Variants in CHD9 observed in about 807,000 individuals in gnomAD.
CHD9 encodes the protein chromodomain helicase DNA binding protein 9, also known as ATP-dependent chromatin remodeler CHD9.
CHD9 carries 77 observed loss-of-function variants against 316.1 expected under a neutral mutation model. The ratio of observed to expected loss-of-function variants is 0.24; its 90% CI spans 0.20 to 0.29. The LOEUF (loss-of-function observed/expected upper bound fraction) is 0.29. Ranked by LOEUF, CHD9 falls within the 10% of genes least tolerant of loss-of-function variation. The pLI is 1.00. For synonymous variants in CHD9, 1,129 were observed against 1,158.3 expected (o/e 0.97, Z 0.51); for missense variants, 2,763 against 3,438.1 (o/e 0.80, Z 4.91).
intron 1 of CHD9, among the ~76,000 whole-genome samples, chr16:53,128,580 G>A (rs2152672874): frequency 6.6e-6 from 1 of 152,296 alleles, no homozygotes; most frequent in East Asian, 1.9e-4. Context: ...GGAAATGGTA[G>A]GCCAGTGTTG....
chr16:53,275,424 A>G (rs1266100277), intron 24 of CHD9, among the ~76,000 whole-genome samples: 2 of 152,206 alleles, frequency 1.3e-5, no homozygotes, highest in Admixed American at 6.5e-5. Context: ...AGCACTAGGA[A>G]TACAAAGACA....
In CHD9 at chr16:53,304,068, T is replaced by G. The variant is rs2055695453; in HGVS notation, c.6062T>G (p.Val2021Gly). 2 of 1,613,916 alleles carry G rather than the reference T, an allele frequency of 1.2e-6. No homozygotes were observed. The highest frequency in any genetic ancestry group is 1.7e-5 in the Admixed American group (1 of 60,012). Reference sequence around the variant, plus strand: ...ACCCCACTTCTACAGCAATATCAAGTAGCACTTTCTGCTTCTCCTCTTACC... The same window carrying G: ...ACCCCACTTCTACAGCAATATCAAGGAGCACTTTCTGCTTCTCCTCTTACC... ...TSTPLLQQYQ[V>G]ALSASPLTSL... is the part of the protein sequence containing the mutation. Residue 2021 changes from valine (V) to glycine (G), a missense_variant, in exon 31 of 39, where the codon GTA becomes GGA. By Grantham distance (109) the Val-to-Gly change is moderately radical (BLOSUM62 -3). Transcript: ENST00000447540.
chr16:53,291,790 C>G (rs754709771), intron 28 of CHD9, 23 bp downstream of exon 28: 66 of 1,402,002 alleles, frequency 4.7e-5, no homozygotes, highest in Non-Finnish European at 6.3e-5. Context: ...TACTTCTGTA[C>G]TTAGTATTAT....
intron 2 of CHD9, among the ~76,000 whole-genome samples, chr16:53,178,845 C>T (rs898825543): frequency 6.6e-6 from 1 of 152,092 alleles, no homozygotes; most frequent in Non-Finnish European, 1.5e-5. Flanking sequence ...ACTTGGGATT[C>T]TGGACTTTAA....
intron 30 of CHD9, among the ~76,000 whole-genome samples, chr16:53,300,935 T>C (rs2055337616): frequency 6.6e-6 from 1 of 152,194 alleles, no homozygotes; most frequent in African/African-American, 2.4e-5. Context: ...TAGCCAGGCA[T>C]GGTGGCAGGC....
intron 1 of CHD9, among the ~76,000 whole-genome samples, chr16:53,103,081 G>A (rs934568452): frequency 6.7e-6 from 1 of 150,060 alleles, no homozygotes; most frequent in Non-Finnish European, 1.5e-5. Context: ...TCCTGACCTC[G>A]TGATCCGCCC....
At chr16:53,283,823 A>T (rs1345620469) in intron 24 of CHD9, among the ~76,000 whole-genome samples, 1 of 152,138 alleles carries the variant, frequency 6.6e-6, no homozygotes, top group Non-Finnish European at 1.5e-5. Context: ...TAAGGTGTTC[A>T]TTTCGAGTGC....
intron 24 of CHD9, among the ~76,000 whole-genome samples, chr16:53,284,968 C>T (rs1040706735): frequency 2.6e-5 from 4 of 151,950 alleles, no homozygotes; most frequent in Admixed American, 6.6e-5. Flanking sequence ...GGTTTTGCCA[C>T]GTTGCCCAGG....
chr16:53,141,540 C>T (rs1161469274), intron 1 of CHD9, among the ~76,000 whole-genome samples: 1 of 152,080 alleles, frequency 6.6e-6, no homozygotes, highest in African/African-American at 2.4e-5. Flanking sequence ...TATGTTGTTG[C>T]TTAATGCTTT....
intron 1 of CHD9, among the ~76,000 whole-genome samples, chr16:53,077,131 G>C (rs2034601355): frequency 6.6e-6 from 1 of 151,852 alleles, no homozygotes; most frequent in South Asian, 2.1e-4. Context: ...GGGATTACAG[G>C]TGTGTGCCAC....
intron 33 of CHD9, 90 bp downstream of exon 33, chr16:53,308,043 C>G: frequency 8.9e-7 from 1 of 1,125,500 alleles, no homozygotes; most frequent in Non-Finnish European, 1.2e-6. Flanking sequence ...CTTACTCTTC[C>G]TTCCTTCACA....
At chr16:53,293,270 A>G (rs1341501281) in intron 29 of CHD9, among the ~76,000 whole-genome samples, 1 of 152,204 alleles carries the variant, frequency 6.6e-6, no homozygotes, top group African/African-American at 2.4e-5. Context: ...TTGACTAACC[A>G]TACTGTAATC....
intron 1 of CHD9, among the ~76,000 whole-genome samples, chr16:53,078,285 G>A (rs1216517697): frequency 1.3e-5 from 2 of 152,138 alleles, no homozygotes; most frequent in South Asian, 2.1e-4. Flanking sequence ...AGGTGATTAG[G>A]TCATAAGAGT....
Position 53,209,538 on chromosome 16 carries a change from C to T in CHD9, c.1509C>T (p.Thr503=), listed in dbSNP as rs2152870767. The part of the protein sequence containing the change: ...GSGTYTKLQN[T]QVRVMSEKKQ... ...GGACATATACTAAGTTGCAGAATACCCAGGTGAGGGTCATGTCTGAGAAGA... is the reference window on the plus strand; with the variant it reads ...GGACATATACTAAGTTGCAGAATACTCAGGTGAGGGTCATGTCTGAGAAGA... The change falls in exon 3 of 39, where the codon ACC becomes ACT. Residue 503 remains threonine (T), a synonymous_variant. Transcript: ENST00000447540. 3 of 1,613,572 alleles carry T rather than the reference C, an allele frequency of 1.9e-6. No homozygotes were observed. The highest frequency in any genetic ancestry group is 2.2e-5 in the East Asian group (1 of 44,842).
intron 22 of CHD9, among the ~76,000 whole-genome samples, chr16:53,271,398 G>A (rs111356737): frequency 3.5e-4 from 53 of 151,642 alleles, no homozygotes; most frequent in Non-Finnish European, 5.7e-4. Context: ...GTGAAACCCC[G>A]TCTCTACTAA....
chr16:53,120,094 A>T (rs936955024), intron 1 of CHD9, among the ~76,000 whole-genome samples: 4 of 151,920 alleles, frequency 2.6e-5, no homozygotes, highest in African/African-American at 9.7e-5. Flanking sequence ...TTAGCTGGTC[A>T]TGGTGGCAAT....
At chr16:53,088,003 G>T (rs950670383) in intron 1 of CHD9, among the ~76,000 whole-genome samples, 1 of 152,002 alleles carries the variant, frequency 6.6e-6, no homozygotes, top group Non-Finnish European at 1.5e-5. Context: ...AAACAGGAGT[G>T]CAGGGGCTCA....
At chr16:53,120,557 A>G (rs1021626305) in intron 1 of CHD9, among the ~76,000 whole-genome samples, 5 of 151,688 alleles carry the variant, frequency 3.3e-5, no homozygotes, top group Non-Finnish European at 5.9e-5. Flanking sequence ...AGGCTATGGT[A>G]AGCCGAGATC....
chr16:53,107,691 TAATAAA>T (rs1444160134), intron 1 of CHD9, among the ~76,000 whole-genome samples: 1 of 151,532 alleles, frequency 6.6e-6, no homozygotes, highest in Non-Finnish European at 1.5e-5. Flanking sequence ...AAAAAAATTT[TAATAAA>T]AATAAATAAA....
Sources: gnomAD v4.1 joint callset for allele counts (sites outside exome capture counted in the v4.1 genomes callset) on GRCh38, gnomAD v4.1.1 for gene constraint, MANE v1.5 for transcripts, NCBI Gene and HGNC (gene_info 2026-07-23, HGNC 2026-07-21) for gene names.